COL5A2: variants seen among roughly 807,000 people sequenced by gnomAD.
COL5A2 encodes collagen alpha-2(V) chain.
Under a neutral mutation model 208.2 loss-of-function variants are expected in COL5A2, and 23 were observed. The ratio of observed to expected loss-of-function variants is 0.11; its 90% CI spans 0.08 to 0.16. The LOEUF (loss-of-function observed/expected upper bound fraction) is 0.16. Ranked by LOEUF, COL5A2 falls within the 10% of genes least tolerant of loss-of-function variation. The pLI is 1.00. For synonymous variants in COL5A2, 625 were observed against 628.5 expected (o/e 0.99, Z 0.08); for missense variants, 1,590 against 1,956.4 (o/e 0.81, Z 3.53).
the COL5A2 span, among the ~76,000 whole-genome samples, chr2:189,437,601 C>T: frequency 2.0e-5 from 3 of 152,162 alleles, no homozygotes; most frequent in African/African-American, 4.8e-5. Flanking sequence ...GAACATAACC[C>T]GCTTGTGATA....
At chr2:189,186,640 G>T (rs1262468639) in intron 1 of COL5A2, among the ~76,000 whole-genome samples, 2 of 152,118 alleles carry the variant, frequency 1.3e-5, no homozygotes, top group Admixed American at 1.3e-4. Flanking sequence ...TCTTAACAAG[G>T]AGGTTCAAAG....
At chr2:189,355,931 T>A in the COL5A2 span, among the ~76,000 whole-genome samples, 2 of 152,206 alleles carry the variant, frequency 1.3e-5, no homozygotes, top group Admixed American at 1.3e-4. Flanking sequence ...TTCCTTTCCA[T>A]GTTTAGTGTT....
At chr2:189,291,417 A>G in the COL5A2 span, among the ~76,000 whole-genome samples, 1 of 152,180 alleles carries the variant, frequency 6.6e-6, no homozygotes, top group East Asian at 1.9e-4. Context: ...CTACAATTTC[A>G]TAAGAATAAA....
chr2:189,388,953 T>A, the COL5A2 span, among the ~76,000 whole-genome samples: 1 of 152,188 alleles, frequency 6.6e-6, no homozygotes, highest in East Asian at 1.9e-4. Context: ...GAAGAGCCAC[T>A]GAAAGGTTCC....
chr2:189,157,708 G>A (rs569828467), intron 1 of COL5A2, among the ~76,000 whole-genome samples: 1 of 152,060 alleles, frequency 6.6e-6, no homozygotes, highest in South Asian at 2.1e-4. Flanking sequence ...ATGTTTTGTG[G>A]TATTCTTGTT....
At chr2:189,342,809 A>G in the COL5A2 span, among the ~76,000 whole-genome samples, 3 of 152,038 alleles carry the variant, frequency 2.0e-5, no homozygotes, top group African/African-American at 7.2e-5. Context: ...AGTACCACCA[A>G]TGCAGAATAG....
the COL5A2 span, among the ~76,000 whole-genome samples, chr2:189,278,814 C>T: frequency 6.6e-6 from 1 of 151,946 alleles, no homozygotes; most frequent in Admixed American, 6.6e-5. Context: ...GGAGAGTTCA[C>T]TGACCTAATA....
At chr2:189,277,829 C>A in the COL5A2 span, among the ~76,000 whole-genome samples, 359 of 152,224 alleles carry the variant, frequency 2.4e-3, 1 homozygote, top group Non-Finnish European at 4.5e-3. Flanking sequence ...CAGTGATGAT[C>A]TGCAAGTCCC....
chr2:189,094,062 A>G (rs535424436), intron 6 of COL5A2, among the ~76,000 whole-genome samples: 6 of 152,320 alleles, frequency 3.9e-5, no homozygotes, highest in African/African-American at 1.2e-4. Context: ...AGTTTGAGAA[A>G]TATTCATTAG....
At chr2:189,040,240 C>T (rs1282572499) in intron 50 of COL5A2, among the ~76,000 whole-genome samples, 1 of 152,058 alleles carries the variant, frequency 6.6e-6, no homozygotes, top group East Asian at 1.9e-4. Context: ...CTCCCACCTT[C>T]ACCTCCTGAA....
the COL5A2 span, among the ~76,000 whole-genome samples, chr2:189,302,282 A>G: frequency 2.6e-5 from 4 of 152,146 alleles, no homozygotes; most frequent in Non-Finnish European, 5.9e-5. Context: ...AAAACTCGAA[A>G]GCTTCTCTGA....
rs117502807 is a variant in COL5A2 at position 189,211,403 on chromosome 2, G to A, written c.-42+13745C>T. Reference sequence around the variant, plus strand: ...AACTTAAAAACTTTTCTCACCTTAAGTTTAAAACTATATTGTGCCAAAAAA... The same window carrying A: ...AACTTAAAAACTTTTCTCACCTTAAATTTAAAACTATATTGTGCCAAAAAA... On this transcript the variant is annotated intron_variant, in intron 1 of 10. Coordinates refer to the COL5A2 transcript ENST00000649966. Among the ~76,000 whole-genome samples, 171 of 152,182 alleles carry A rather than the reference G, an allele frequency of 1.1e-3. 2 individuals are homozygous for A. The East Asian group carries it at 0.03, about 27-fold the overall frequency.
At chr2:189,040,335 C>CTTT (rs34847104) in intron 50 of COL5A2, among the ~76,000 whole-genome samples, 10,964 of 138,172 alleles carry the variant, frequency 0.079, 535 homozygotes, top group South Asian at 0.15. Flanking sequence ...GCCCTCCTGC[C>CTTT]TTTTTTTTTT....
At chr2:189,146,859 A>G (rs1688049677) in intron 1 of COL5A2, among the ~76,000 whole-genome samples, 1 of 152,150 alleles carries the variant, frequency 6.6e-6, no homozygotes, top group Non-Finnish European at 1.5e-5. Flanking sequence ...AAATTTTCCC[A>G]AGTCAAGGAA....
chr2:189,384,045 A>G, the COL5A2 span, among the ~76,000 whole-genome samples: 3 of 151,992 alleles, frequency 2.0e-5, no homozygotes, highest in Admixed American at 2.0e-4. Flanking sequence ...TTTTTAACAT[A>G]ATGCTCTCCA....
chr2:189,252,561 G>A, the COL5A2 span, among the ~76,000 whole-genome samples: 1 of 151,888 alleles, frequency 6.6e-6, no homozygotes, highest in Non-Finnish European at 1.5e-5. Flanking sequence ...GAATTGAACA[G>A]TGAGAACACT....
the COL5A2 span, among the ~76,000 whole-genome samples, chr2:189,391,515 T>C: frequency 3.9e-5 from 6 of 152,114 alleles, no homozygotes; most frequent in Non-Finnish European, 8.8e-5. Context: ...CAATCTAGTG[T>C]ATCAGAAGAG....
the COL5A2 span, among the ~76,000 whole-genome samples, chr2:189,320,742 T>C: frequency 0.013 from 2,038 of 152,254 alleles, 28 homozygotes; most frequent in Non-Finnish European, 0.017. Context: ...AAAACATTCT[T>C]CAGGTTATTA....
chr2:189,423,784 C>T, the COL5A2 span, among the ~76,000 whole-genome samples: 1 of 152,028 alleles, frequency 6.6e-6, no homozygotes, highest in Non-Finnish European at 1.5e-5. Context: ...TCTACCAAAC[C>T]TTTAAAGGAT....
Sources: gnomAD v4.1 joint callset for allele counts (sites outside exome capture counted in the v4.1 genomes callset) on GRCh38, gnomAD v4.1.1 for gene constraint, MANE v1.5 for transcripts, NCBI Gene and HGNC (gene_info 2026-07-23, HGNC 2026-07-21) for gene names.